The following VSTM2A variants were observed in gnomAD, a reference collection of about 807,000 sequenced individuals.
The protein encoded by VSTM2A is V-set and transmembrane domain containing 2A.
A neutral mutation model predicts 27.3 loss-of-function variants in VSTM2A; 13 were observed. That is an observed-to-expected ratio of 0.48 (90% CI 0.31 to 0.76). The LOEUF (loss-of-function observed/expected upper bound fraction) is 0.76. Among genes scored for constraint, VSTM2A ranks in the 30% least tolerant of loss-of-function variants. The probability of loss-of-function intolerance (pLI) is 0.05; values close to 1 mark genes in which losing one functional copy is unlikely to be tolerated. For synonymous variants in VSTM2A, 142 were observed against 125.7 expected, an observed-to-expected ratio of 1.13 and a Z score of -0.87; for missense variants, 280 against 310.0, an observed-to-expected ratio of 0.90 and a Z score of 0.73.
intron 4 of VSTM2A, chr7:54,551,573 A>G (rs1788200467): frequency 6.6e-6 from 1 of 152,182 alleles, no homozygotes; most frequent in South Asian, 2.1e-4. Context: ...ACAAACTAGT[A>G]TAGCTGGAAC....
intron 4 of VSTM2A, among the ~76,000 whole-genome samples, chr7:54,566,141 T>C (rs1788713393): frequency 1.3e-5 from 2 of 152,316 alleles, no homozygotes; most frequent in East Asian, 1.9e-4. Context: ...CATGATTAAA[T>C]AGATGTCGAA....
intron 4 of VSTM2A, 112 bp from the exon 5 acceptor site, chr7:54,569,019 A>G: frequency 1.9e-6 from 3 of 1,601,468 alleles, no homozygotes; most frequent in Non-Finnish European, 2.6e-6. Flanking sequence ...GTGCGAGGAT[A>G]GCTACAAGCC....
rs539681079 is a variant in VSTM2A, at chr7:54,544,834, C to CCT, written c.246+48_246+49dup. On this transcript the variant is annotated intron_variant, in intron 2 of 4. Transcript: ENST00000402613. ...CGCGTCTCCCCTTCGCTCGCCCGGT[C>CCT]CTCAGGGTGTCCGGCCCGGGGCTGG... 1.6e-4 allele frequency: 250 copies of CCT among 1,541,004 alleles called. No individual in the cohort carries two copies. In the African/African-American group the frequency reaches 2.9e-3, roughly 18 times the overall value.
intron 4 of VSTM2A, chr7:54,568,906 C>G: frequency 7.7e-7 from 1 of 1,295,552 alleles, no homozygotes; most frequent in Non-Finnish European, 1.1e-6. Context: ...CAGAGCCAAG[C>G]TGGCGAGCTA....
intron 2 of VSTM2A, 62 bp from the exon 3 acceptor site, chr7:54,546,885 G>T: frequency 6.3e-7 from 1 of 1,590,286 alleles, no homozygotes; most frequent in Non-Finnish European, 8.5e-7. Context: ...GGCTATGCTC[G>T]CGTGGGAGCG....
intron 4 of VSTM2A, among the ~76,000 whole-genome samples, chr7:54,562,479 G>A (rs1788592926): frequency 6.6e-6 from 1 of 152,172 alleles, no homozygotes; most frequent in Non-Finnish European, 1.5e-5. Flanking sequence ...CGTGGATAAG[G>A]AGAGGTATTC....
Sources: allele counts gnomAD v4.1 joint callset (sites outside exome capture counted in the v4.1 genomes callset), GRCh38; gene constraint gnomAD v4.1.1; transcripts MANE v1.5; gene names NCBI Gene and HGNC (gene_info 2026-07-23, HGNC 2026-07-21).